The following PALS2 variants were observed in gnomAD, a reference collection of about 807,000 sequenced individuals.
PALS2 encodes protein PALS2.
A neutral mutation model predicts 61.6 loss-of-function variants in PALS2; 27 were observed. The ratio of observed to expected loss-of-function variants is 0.44; its 90% CI spans 0.32 to 0.60. The LOEUF (loss-of-function observed/expected upper bound fraction) is 0.60. PALS2 is among the 20% of genes least tolerant of loss of function. The pLI, the probability that PALS2 is intolerant of heterozygous loss-of-function variation, is 0.05. For synonymous variants in PALS2, 236 were observed against 218.6 expected (o/e 1.08, Z -0.70); for missense variants, 554 against 639.4 (o/e 0.87, Z 1.44).
intron 2 of PALS2, among the ~76,000 whole-genome samples, chr7:24,636,083 A>G (rs1431967848): frequency 6.6e-6 from 1 of 151,898 alleles, no homozygotes; most frequent in Non-Finnish European, 1.5e-5. Context: ...ATGGTGGCGC[A>G]TGCCTGTAAT....
At chr7:24,588,258 T>C (rs1783150146) in intron 1 of PALS2, among the ~76,000 whole-genome samples, 1 of 152,190 alleles carries the variant, frequency 6.6e-6, no homozygotes, top group South Asian at 2.1e-4. Context: ...TACCAACAGC[T>C]TACAATACCA....
At chr7:24,640,977 C>T (rs1583926540) in intron 2 of PALS2, among the ~76,000 whole-genome samples, 1 of 124,674 alleles carries the variant, frequency 8.0e-6, no homozygotes, top group African/African-American at 3.2e-5. Context: ...CACTGCACTC[C>T]AGCCTGGGCA....
At chr7:24,656,808 C>G (rs973990998) in intron 5 of PALS2, among the ~76,000 whole-genome samples, 1 of 152,076 alleles carries the variant, frequency 6.6e-6, no homozygotes, top group Non-Finnish European at 1.5e-5. Flanking sequence ...CTAGGATTAC[C>G]GGCATAAGCC....
chr7:24,634,368 C>T (rs1431139293), intron 2 of PALS2, among the ~76,000 whole-genome samples: 4 of 152,030 alleles, frequency 2.6e-5, no homozygotes, highest in African/African-American at 9.7e-5. Flanking sequence ...GTAGCTGGGA[C>T]TACAGGCGCC....
intron 3 of PALS2, among the ~76,000 whole-genome samples, chr7:24,645,235 G>C (rs866675926): frequency 6.6e-6 from 1 of 151,928 alleles, no homozygotes; most frequent in Non-Finnish European, 1.5e-5. Context: ...GTATTGCGCA[G>C]GTTGTCTTCT....
In PALS2 at chr7:24,687,942, A is replaced by G. The variant is rs1584021457; in HGVS notation, c.*328A>G. On this transcript the variant is annotated 3_prime_UTR_variant, in exon 12 of 12. Coordinates refer to ENST00000222644, the MANE Select transcript of PALS2 (RefSeq NM_001303037.2). The surrounding 1 kb of genome is among the most constrained non-coding windows in gnomAD (Gnocchi z 4.5). Reference sequence around the variant, plus strand: ...CATCAAAGGAATTTTCAAATCATTCACTCTAACATTGGTCTCATATTTTCA... The same window carrying G: ...CATCAAAGGAATTTTCAAATCATTCGCTCTAACATTGGTCTCATATTTTCA... 5.6e-6 allele frequency: 1 copy of G among 179,120 alleles called. No individual in the cohort carries two copies. Among genetic ancestry groups the G allele is most frequent in the Non-Finnish European group, 1.2e-5 (1 of 86,664 alleles). 11.1% of individuals were successfully genotyped at this position (179,120 alleles called of 1,614,324 possible).
chr7:24,636,212 C>CAA lies in PALS2; in HGVS notation c.118-5484_118-5483dup, dbSNP rs553687246. 1.1e-3 allele frequency among the ~76,000 whole-genome samples: 73 copies of CAA among 65,322 alleles called. 1 individual carries two copies. The highest frequency in any genetic ancestry group is 0.02 in the Middle Eastern group (2 of 98). 42.9% of individuals were successfully genotyped at this position (65,322 alleles called of 152,430 possible). On this transcript the variant is annotated intron_variant, in intron 2 of 11. Coordinates refer to ENST00000222644, the MANE Select transcript of PALS2 (RefSeq NM_001303037.2). Reference sequence around the variant, plus strand: ...GGGCAACAAGAGCAAAACTCTATCTCAAAAAAAAAAAAAAAAAAAAAGTAT... The same window carrying CAA: ...GGGCAACAAGAGCAAAACTCTATCTCAAAAAAAAAAAAAAAAAAAAAAAGTAT...
Position 24,690,887 on chromosome 7 carries a change from G to A in PALS2, c.*3273G>A, listed in dbSNP as rs964905876. On this transcript the variant is annotated 3_prime_UTR_variant, in exon 12 of 12. Coordinates refer to ENST00000222644, the MANE Select transcript of PALS2 (RefSeq NM_001303037.2). ...GATTCTAGAATCCAATAAATTTATA[G>A]TAGTTCTTAAGAAGTTTCCTTTAAA... The A allele has an allele frequency of 1.2e-4, 18 of 151,858 alleles. No individual in the cohort carries two copies. Among genetic ancestry groups the A allele is most frequent in the African/African-American group, 4.4e-4 (18 of 41,228 alleles). 9.4% of individuals were successfully genotyped at this position (151,858 alleles called of 1,614,324 possible).
rs539029138 is a variant in PALS2 at position 24,618,914 on chromosome 7, C to G, written c.-2-4752C>G. ...TTTCTTGAAGCGGAGGAATGTGCAC[C>G]AGACACTTACCGTCAGCCATCTTAC... is the stretch of plus-strand genomic sequence containing the variant. On this transcript the variant is annotated intron_variant, in intron 1 of 11. Coordinates refer to ENST00000222644, the MANE Select transcript of PALS2 (RefSeq NM_001303037.2). This position sits in a 1 kb window ranked among gnomAD's most constrained non-coding sequence, Gnocchi z 5.1. Among the ~76,000 whole-genome samples the G allele has an allele frequency of 2.0e-5, 3 of 152,308 alleles. 1 individual carries two copies. The South Asian group carries it at 6.2e-4, about 32-fold the overall frequency.
At chr7:24,674,183 A>G (rs1787445913) in intron 9 of PALS2, 1 of 152,596 alleles carries the variant, frequency 6.6e-6, no homozygotes, top group Non-Finnish European at 1.5e-5. Context: ...CAATGACCTT[A>G]AACCTTACAT....
chr7:24,654,706 A>G (rs1786326966), intron 5 of PALS2, among the ~76,000 whole-genome samples: 1 of 152,192 alleles, frequency 6.6e-6, no homozygotes, highest in African/African-American at 2.4e-5. Flanking sequence ...TCCAGTCAAA[A>G]CAGGGTTTTC....
rs184689331 is a variant in PALS2, at chr7:24,649,714, G to C, written c.373G>C (p.Val125Leu). The change falls in exon 4 of 12, where the codon GTA becomes CTA. Residue 125 changes from valine (V) to leucine (L), a missense_variant. Val to Leu is a conservative substitution (Grantham distance 32). Coordinates refer to ENST00000222644, the MANE Select transcript of PALS2 (RefSeq NM_001303037.2). ...NSSINNQLLP[V>L]DAIRILGIHK... ...TTCTATCAATAATCAGTTATTACCA[G>C]TAGATGCCATTCGTATTCTTGGTAT... 47 of 1,610,974 alleles carry C rather than the reference G, an allele frequency of 2.9e-5. No individual in the cohort carries two copies. The East Asian group carries it at 1.1e-3, about 36-fold the overall frequency.
In PALS2 at chr7:24,688,203, A is replaced by G. The variant is rs866704513; in HGVS notation, c.*589A>G. 1 of 152,348 alleles carries G rather than the reference A, an allele frequency of 6.6e-6. No homozygotes were observed. Among genetic ancestry groups the G allele is most frequent in the African/African-American group, 2.4e-5 (1 of 41,580 alleles). 9.4% of individuals were successfully genotyped at this position (152,348 alleles called of 1,614,324 possible). On this transcript the variant is annotated 3_prime_UTR_variant, in exon 12 of 12. Coordinates refer to ENST00000222644, the MANE Select transcript of PALS2 (RefSeq NM_001303037.2). The stretch of plus-strand genomic sequence containing the variant: ...TTCATTATTTCGGAGATGTATGGCT[A>G]TCCATTCTAATTTATACAGCTATAT...
At chr7:24,612,577 T>C (rs1487504465) in intron 1 of PALS2, among the ~76,000 whole-genome samples, 2 of 151,860 alleles carry the variant, frequency 1.3e-5, no homozygotes, top group Non-Finnish European at 1.5e-5. Flanking sequence ...ATTTAATCAA[T>C]TTATTTTAAA....
chr7:24,676,664 T>G (rs773857684), intron 9 of PALS2, among the ~76,000 whole-genome samples: 2 of 151,770 alleles, frequency 1.3e-5, no homozygotes, highest in Non-Finnish European at 2.9e-5. Context: ...TTTCTCAGGT[T>G]TGTCAAAGAT....
chr7:24,605,327 CAG>C (rs1273842115), intron 1 of PALS2, among the ~76,000 whole-genome samples: 1 of 152,134 alleles, frequency 6.6e-6, no homozygotes, highest in Non-Finnish European at 1.5e-5. Context: ...CCATGTTCCT[CAG>C]ACGCTAAATA....
chr7:24,589,355 A>G (rs969004059), intron 1 of PALS2: 2 of 152,008 alleles, frequency 1.3e-5, no homozygotes, highest in African/African-American at 2.4e-5. Context: ...CTGCAACTCT[A>G]TATGGTTATT....
intron 11 of PALS2, among the ~76,000 whole-genome samples, chr7:24,681,857 A>G (rs1787954020): frequency 6.6e-6 from 1 of 152,180 alleles, no homozygotes; most frequent in African/African-American, 2.4e-5. Flanking sequence ...GAAATCAGGT[A>G]GTATTAGTTT....
chr7:24,585,048 C>CT (rs1361321603), intron 1 of PALS2, among the ~76,000 whole-genome samples: 2 of 152,028 alleles, frequency 1.3e-5, no homozygotes, highest in Non-Finnish European at 2.9e-5. Context: ...CAGTCCCATG[C>CT]TGTTTTGGTT....
Sources: gnomAD v4.1 joint callset for allele counts (sites outside exome capture counted in the v4.1 genomes callset) on GRCh38, gnomAD v4.1.1 for gene constraint, Gnocchi (gnomAD v3.1) non-coding constraint, MANE v1.5 for transcripts, NCBI Gene and HGNC (gene_info 2026-07-23, HGNC 2026-07-21) for gene names.